Variants in HLTF observed in about 807,000 individuals in gnomAD.
HLTF encodes the protein helicase like transcription factor.
Under a neutral mutation model 129.4 loss-of-function variants are expected in HLTF, and 127 were observed. The observed-to-expected ratio is 0.98, with a 90% confidence interval of 0.85 to 1.14. The LOEUF (loss-of-function observed/expected upper bound fraction) is 1.14, where lower values mean the gene tolerates loss of function less well. HLTF is among the 50% of genes most tolerant of loss of function. HLTF has a pLI of 0.00. For missense variants in HLTF, 1,139 were observed against 1,187.1 expected (o/e 0.96, Z 0.60); for synonymous variants, 332 against 388.8 (o/e 0.85, Z 1.72).
At position 149,071,400 on chromosome 3, in the gene HLTF, G is replaced by C; in HGVS notation, c.746C>G (p.Ala249Gly). 3 of 1,613,470 alleles carry C rather than the reference G, an allele frequency of 1.9e-6. No homozygotes were observed. Among genetic ancestry groups the C allele is most frequent in the Non-Finnish European group, 2.5e-6 (3 of 1,179,802 alleles). Residue 249 changes from alanine to glycine, a missense_variant, in exon 7 of 25, where the codon GCT (alanine) becomes GGT (glycine). Coordinates refer to ENST00000310053, the MANE Select transcript of HLTF (RefSeq NM_003071.4). ...PLLPHQKQAL[A>G]WMVSRENSKE... is the part of the protein sequence containing the mutation. ...GCTATTTTCCCGTGACACCATCCAA[G>C]CTAGAGCTTGTTTTTGATGTGGAAG...
At position 149,086,523 on chromosome 3, in the gene HLTF, T is replaced by C. The variant is rs991253055; in HGVS notation, c.-187A>G. ...GTCAGACGTCGACGCCGTCTCCTTC[T>C]GCAACAATCTGGGAGACCAGCGTCG... On this transcript the variant is annotated 5_prime_UTR_variant, in exon 1 of 25. Transcript: ENST00000310053. 2 of 633,282 alleles carry C rather than the reference T, an allele frequency of 3.2e-6. No individual in the cohort carries two copies. The highest frequency in any genetic ancestry group is 1.9e-5 in the South Asian group (1 of 51,868). The allele number at this position is 633,282 out of a possible 1,614,324, so 39.2% of individuals were successfully genotyped here. A position where few individuals can be genotyped will look rare whatever the true frequency, so the allele number is the denominator to read the frequency against.
rs754149678 is a variant in HLTF at position 149,060,695 on chromosome 3, TAAAAC to T, written c.1241-13_1241-9del. 8 of 1,613,054 alleles carry T rather than the reference TAAAAC, an allele frequency of 5.0e-6. No individual in the cohort carries two copies. The Admixed American group carries it at 1.2e-4, about 24-fold the overall frequency. On this transcript the variant is annotated splice_polypyrimidine_tract_variant and intron_variant, in intron 11 of 24. Transcript: ENST00000310053. ...GTACATTTTTCAGTTTGCCTAAAAA[TAAAAC>T]AAAAATAAACATAAAAATGGGCAAA...
intron 14 of HLTF, among the ~76,000 whole-genome samples, chr3:149,051,832 T>C (rs569745671): frequency 1.3e-5 from 2 of 152,210 alleles, no homozygotes; most frequent in East Asian, 3.9e-4. Context: ...ACTGTGCCAC[T>C]GCACTCCAGC....
chr3:149,032,546 T>G (rs1392994361), intron 24 of HLTF, among the ~76,000 whole-genome samples, 174 bp from the exon 25 acceptor site: 1 of 152,246 alleles, frequency 6.6e-6, no homozygotes, highest in Non-Finnish European at 1.5e-5. Flanking sequence ...AATATGGTTT[T>G]CTTATATAAA....
Position 149,063,464 on chromosome 3 carries a change from C to T in HLTF, c.1127G>A (p.Arg376His), listed in dbSNP as rs111239765. ...GCGGGAGCTAGACAATTCTGACATG[C>T]GAAACTTACTCTTCTCCTTGATATC... ...ISDIKEKSKF[R>H]MSELSSSRPK... The change falls in exon 10 of 25, where the codon CGC becomes CAC. Residue 376 changes from arginine (R) to histidine (H), a missense_variant. Transcript: ENST00000310053. 1.7e-3 allele frequency: 2,680 copies of T among 1,609,938 alleles called. 32 individuals are homozygous for T. In the African/African-American group the frequency reaches 0.029, roughly 17 times the overall value.
In HLTF at chr3:149,032,831, T is replaced by C. The variant is rs1369860673; in HGVS notation, c.2878-459A>G. ...AGAAAAAGTTAGCCGGGCATGGTGG[T>C]GGGCGCCTGTAGTCCCAGCTACTCG... On this transcript the variant is annotated intron_variant, in intron 24 of 24. Transcript: ENST00000310053. Among the ~76,000 whole-genome samples, 3 of 151,404 alleles carry C rather than the reference T, an allele frequency of 2.0e-5. No individual in the cohort carries two copies. The East Asian group carries it at 5.8e-4, about 29-fold the overall frequency.
rs1204138820 is a variant in HLTF, at chr3:149,084,672, T to C, written c.228+10A>G. ...ATAATCAAAATTTAATTATCTACTA[T>C]TATACTCACTACTCCCGTGTAATAG... On this transcript the variant is annotated intron_variant, in intron 2 of 24. Transcript: ENST00000310053. The C allele has an allele frequency of 1.9e-6, 3 of 1,582,662 alleles. No homozygotes were observed. The highest frequency in any genetic ancestry group is 2.6e-6 in the Non-Finnish European group (3 of 1,151,918).
Position 149,060,842 on chromosome 3 carries a change from G to A in HLTF, c.1177C>T (p.Gln393Ter), listed in dbSNP as rs1173503610. The change falls in exon 11 of 25, where the codon CAG becomes TAG. Residue 393 changes from glutamine to a stop codon, truncating the protein, a stop_gained. Transcript: ENST00000310053. LOFTEE classifies it high-confidence loss of function. Reference protein sequence around the residue: ...SRPKRRKTAVQYIESSDSEEI... With the variant: ...SRPKRRKTAV ...TCTGAATCACTGCTTTCTATGTACT[G>A]GACAGCAGTTTTTCTTCTAAAATTA... 1.2e-6 allele frequency: 2 copies of A among 1,610,258 alleles called. No homozygotes were observed. The highest frequency in any genetic ancestry group is 4.5e-5 in the East Asian group (2 of 44,774).
At chr3:149,083,223 C>G (rs932891418) in intron 2 of HLTF, among the ~76,000 whole-genome samples, 8 of 151,788 alleles carry the variant, frequency 5.3e-5, no homozygotes, top group African/African-American at 1.9e-4. Context: ...TGCACTCCAG[C>G]CTGGGCAATG....
chr3:149,046,791 A>G (rs952772212), intron 17 of HLTF, among the ~76,000 whole-genome samples: 2 of 152,208 alleles, frequency 1.3e-5, no homozygotes, highest in Admixed American at 6.5e-5. Context: ...AAAATGCTTT[A>G]CAGGTTCCAC....
intron 24 of HLTF, among the ~76,000 whole-genome samples, chr3:149,034,174 T>C (rs777769646): frequency 6.6e-6 from 1 of 152,178 alleles, no homozygotes; most frequent in Non-Finnish European, 1.5e-5. Context: ...ACAATTTTCA[T>C]ATAAATCCTA....
chr3:149,086,395 C>A lies in HLTF; in HGVS notation c.-59G>T. ...GCTCCCCTGGATCGTTTTCGAGCCG[C>A]CTCGATACGCCTCCTTCCAGGCCCC... On this transcript the variant is annotated 5_prime_UTR_variant, in exon 1 of 25. Coordinates refer to ENST00000310053, the MANE Select transcript of HLTF (RefSeq NM_003071.4). The A allele has an allele frequency of 6.5e-7, 1 of 1,537,240 alleles. No homozygotes were observed. The highest frequency in any genetic ancestry group is 8.8e-7 in the Non-Finnish European group (1 of 1,132,992).
intron 2 of HLTF, among the ~76,000 whole-genome samples, chr3:149,077,268 A>C (rs2608004): frequency 6.7e-6 from 1 of 149,642 alleles, no homozygotes; most frequent in Admixed American, 6.7e-5. Context: ...ATAAATAAAT[A>C]AATAAATAAA....
At chr3:149,074,399 T>C in intron 3 of HLTF, 51 bp from the exon 4 acceptor site, 1 of 1,524,172 alleles carries the variant, frequency 6.6e-7, no homozygotes, top group Non-Finnish European at 8.9e-7. Context: ...TTACTTTTTA[T>C]CCCCACTAAG....
At chr3:149,034,886 C>T (rs1390626083) in intron 24 of HLTF, 32 bp downstream of exon 24, 2 of 1,402,950 alleles carry the variant, frequency 1.4e-6, no homozygotes, top group South Asian at 1.2e-5. Flanking sequence ...TCGTATCAAC[C>T]TAGTCTTAAA....
chr3:149,061,358 C>T (rs746738253), intron 10 of HLTF, among the ~76,000 whole-genome samples: 5 of 151,490 alleles, frequency 3.3e-5, no homozygotes, highest in African/African-American at 4.9e-5. Context: ...TTCCAGTGAG[C>T]GGAGATTGCG....
chr3:149,065,701 G>A (rs1718315976), intron 8 of HLTF, among the ~76,000 whole-genome samples: 2 of 152,246 alleles, frequency 1.3e-5, no homozygotes, highest in Admixed American at 6.5e-5. Context: ...ATGGTGGCGG[G>A]CACCTGTAAT....
chr3:149,039,489 G>A (rs1715932489), intron 22 of HLTF, 92 bp downstream of exon 22: 5 of 679,056 alleles, frequency 7.4e-6, no homozygotes, highest in Non-Finnish European at 1.2e-5. Context: ...ACTAAAACTG[G>A]CAAAACAAAT....
chr3:149,045,005 T>C (rs1716422507), intron 18 of HLTF, among the ~76,000 whole-genome samples: 1 of 152,120 alleles, frequency 6.6e-6, no homozygotes, highest in South Asian at 2.1e-4. Context: ...TCAGATTACG[T>C]CCCTCTCCTG....
Sources: gnomAD v4.1 joint callset for allele counts (sites outside exome capture counted in the v4.1 genomes callset) on GRCh38, gnomAD v4.1.1 for gene constraint, MANE v1.5 for transcripts, NCBI Gene and HGNC (gene_info 2026-07-23, HGNC 2026-07-21) for gene names.